Variants in HBP1 observed in about 807,000 individuals in gnomAD.
The protein encoded by HBP1 is HMG box-containing protein 1.
A neutral mutation model predicts 62.6 loss-of-function variants in HBP1; 20 were observed. That is an observed-to-expected ratio of 0.32 (90% confidence interval 0.22 to 0.46). HBP1 has a LOEUF of 0.46. HBP1 is among the 20% of genes least tolerant of loss of function. HBP1 has a pLI of 1.00. For synonymous variants in HBP1, 232 were observed against 206.2 expected (o/e 1.12, Z -1.07); for missense variants, 480 against 611.8 (o/e 0.78, Z 2.27).
chr7:107,178,628 T>C (rs1796968312), intron 1 of HBP1, among the ~76,000 whole-genome samples: 1 of 152,238 alleles, frequency 6.6e-6, no homozygotes, highest in Non-Finnish European at 1.5e-5. Flanking sequence ...AGGTATCTTT[T>C]ATTATGGCTA....
At chr7:107,200,086 T>A (rs1364627908) in intron 9 of HBP1, 74 bp from the exon 10 acceptor site, 75 of 1,219,468 alleles carry the variant, frequency 6.2e-5, no homozygotes, top group Non-Finnish European at 8.1e-5. Flanking sequence ...ATTTTTCTCC[T>A]GAAGTAGCAG....
At position 107,186,587 on chromosome 7, in the gene HBP1, A is replaced by G. The variant is rs768445935; in HGVS notation, c.671A>G (p.His224Arg). 2 of 1,612,074 alleles carry G rather than the reference A, an allele frequency of 1.2e-6. No homozygotes were observed. Among genetic ancestry groups the G allele is most frequent in the Non-Finnish European group, 1.7e-6 (2 of 1,178,108 alleles). The change falls in exon 6 of 11, where the codon CAT (histidine) becomes CGT (arginine). Residue 224 changes from histidine (H) to arginine (R), a missense_variant. Physicochemically the swap from His to Arg is conservative, Grantham distance 29. Around this residue, in one of 4 missense-constraint regions of HBP1, gnomAD observed 304 missense variants for 330.9 expected, o/e 0.92. Coordinates refer to ENST00000222574, the MANE Select transcript of HBP1 (RefSeq NM_012257.4). ...CFLKGTRLCF[H>R]KGSNKEWQDV... Reference sequence around the variant, plus strand: ...ACCTTAGGCACACGACTGTGCTTTCATAAGGGAAGCAATAAGGAATGGCAA... The same window carrying G: ...ACCTTAGGCACACGACTGTGCTTTCGTAAGGGAAGCAATAAGGAATGGCAA...
intron 9 of HBP1, among the ~76,000 whole-genome samples, chr7:107,198,482 T>A (rs1023966886): frequency 1.3e-5 from 2 of 152,168 alleles, no homozygotes; most frequent in Non-Finnish European, 2.9e-5. Context: ...AGTGCTGGGA[T>A]TACATATGTG....
intron 9 of HBP1, among the ~76,000 whole-genome samples, chr7:107,197,701 T>TAACTC (rs1797991208): frequency 6.6e-6 from 1 of 152,358 alleles, no homozygotes; most frequent in African/African-American, 2.4e-5. Context: ...TGAAATGTTT[T>TAACTC]AACTCTTGGA....
In HBP1 at chr7:107,169,411, G is replaced by A. The variant is rs555869437; in HGVS notation, c.-16+226G>A. ...CGGGGCGGCGGCGCTAGGGGGTCTCGGGCGGGGGCCGGGAGGAGGCAGGGG... is the reference window on the plus strand; with the variant it reads ...CGGGGCGGCGGCGCTAGGGGGTCTCAGGCGGGGGCCGGGAGGAGGCAGGGG... On this transcript the variant is annotated intron_variant, in intron 1 of 10. Transcript: ENST00000222574. 1.9e-3 allele frequency among the ~76,000 whole-genome samples: 282 copies of A among 150,120 alleles called. 2 individuals are homozygous for A. Among genetic ancestry groups the A allele is most frequent in the African/African-American group, 6.5e-3 (266 of 40,900 alleles).
intron 3 of HBP1, among the ~76,000 whole-genome samples, chr7:107,183,628 C>A (rs1457183212): frequency 2.0e-5 from 3 of 151,422 alleles, no homozygotes; most frequent in Non-Finnish European, 2.9e-5. Flanking sequence ...TAAAAAAAAA[C>A]CTGATTTAAC....
rs746152257 is a variant in HBP1 at position 107,192,082 on chromosome 7, G to A, written c.1067+1765G>A. The stretch of plus-strand genomic sequence containing the variant: ...GCTGTGACAACATATATGAAATGTC[G>A]TCTCCCAGGGAAGCTTGTTAGGCGC... On this transcript the variant is annotated intron_variant, in intron 8 of 10. Coordinates refer to ENST00000222574, the MANE Select transcript of HBP1 (RefSeq NM_012257.4). Among the ~76,000 whole-genome samples, 61 of 152,014 alleles carry A rather than the reference G, an allele frequency of 4.0e-4. 1 individual carries two copies. The highest frequency in any genetic ancestry group is 7.9e-4 in the Non-Finnish European group (54 of 68,008).
In HBP1 at chr7:107,180,083, T is replaced by C. The variant is rs758661637; in HGVS notation, c.169+21T>C. On this transcript the variant is annotated intron_variant, in intron 2 of 10. Coordinates refer to ENST00000222574, the MANE Select transcript of HBP1 (RefSeq NM_012257.4). The stretch of plus-strand genomic sequence containing the variant: ...GCTTGGTAAGCAAAATTAAAAGTTA[T>C]ATAGAAATCTCACTAAGATTCAGAT... 48 of 1,464,036 alleles carry C rather than the reference T, an allele frequency of 3.3e-5. No homozygotes were observed. The Admixed American group carries it at 5.9e-4, about 18-fold the overall frequency. 90.7% of individuals were successfully genotyped at this position (1,464,036 alleles called of 1,614,324 possible).
At chr7:107,171,039 A>C in intron 1 of HBP1, among the ~76,000 whole-genome samples, 1 of 123,724 alleles carries the variant, frequency 8.1e-6, no homozygotes, top group South Asian at 2.4e-4. Context: ...TAACATATAC[A>C]TGTATAAATA....
intron 3 of HBP1, among the ~76,000 whole-genome samples, chr7:107,184,889 C>T (rs757766814): frequency 6.6e-6 from 1 of 152,220 alleles, no homozygotes; most frequent in Non-Finnish European, 1.5e-5. Context: ...CTCTATTTGG[C>T]ATCTCAGACA....
intron 1 of HBP1, among the ~76,000 whole-genome samples, chr7:107,173,016 T>C (rs1238583353): frequency 6.6e-6 from 1 of 152,254 alleles, no homozygotes; most frequent in East Asian, 1.9e-4. Context: ...TTTGTTGTTG[T>C]TTTGTCTTTT....
chr7:107,185,966 C>G (rs1226261436), intron 4 of HBP1, 24 bp downstream of exon 4: 12 of 1,584,314 alleles, frequency 7.6e-6, no homozygotes, highest in African/African-American at 1.3e-5. Flanking sequence ...TGAGGTTAAA[C>G]TTTTACAAAG....
At chr7:107,185,763 G>T in intron 3 of HBP1, 38 bp from the exon 4 acceptor site, 1 of 1,564,478 alleles carries the variant, frequency 6.4e-7, no homozygotes, top group South Asian at 1.1e-5. Context: ...CTACTTTAAG[G>T]ACCTATGCTT....
intron 1 of HBP1, among the ~76,000 whole-genome samples, chr7:107,176,609 G>A (rs535972489): frequency 2.8e-4 from 42 of 152,118 alleles, no homozygotes; most frequent in Admixed American, 8.5e-4. Flanking sequence ...CAGATCCTCT[G>A]GGGATGGGGC....
In HBP1 at chr7:107,201,449, C is replaced by T. The variant is rs1159172313; in HGVS notation, c.*18C>T. ...AACATTAAACCAGGATGCTTATGTT[C>T]TTAAGTCTATATTTGCATATACATT... On this transcript the variant is annotated 3_prime_UTR_variant, in exon 11 of 11. Transcript: ENST00000222574. The T allele has an allele frequency of 2.6e-6, 4 of 1,538,994 alleles. No homozygotes were observed. The highest frequency in any genetic ancestry group is 3.6e-6 in the Non-Finnish European group (4 of 1,113,690).
intron 2 of HBP1, among the ~76,000 whole-genome samples, chr7:107,180,983 T>A (rs1797077086): frequency 6.6e-6 from 1 of 152,146 alleles, no homozygotes; most frequent in African/African-American, 2.4e-5. Flanking sequence ...TTTCCTGAAC[T>A]TCAGAAACAG....
At chr7:107,199,463 G>A (rs551832355) in intron 9 of HBP1, among the ~76,000 whole-genome samples, 12 of 152,370 alleles carry the variant, frequency 7.9e-5, no homozygotes, top group Admixed American at 2.0e-4. Flanking sequence ...AAATACACTT[G>A]TAGGAGAGCT....
chr7:107,170,295 C>T (rs1371773690), intron 1 of HBP1, among the ~76,000 whole-genome samples: 2 of 152,110 alleles, frequency 1.3e-5, no homozygotes, highest in Non-Finnish European at 2.9e-5. Flanking sequence ...TCTGAATAGC[C>T]GTAAGCACTC....
intron 8 of HBP1, among the ~76,000 whole-genome samples, chr7:107,191,258 A>C (rs1394371321): frequency 6.6e-6 from 1 of 152,206 alleles, no homozygotes; most frequent in East Asian, 1.9e-4. Flanking sequence ...CACATGCTCG[A>C]TAAATGTCTA....
Sources: allele counts gnomAD v4.1 joint callset (sites outside exome capture counted in the v4.1 genomes callset), GRCh38; gene constraint gnomAD v4.1.1; regional missense constraint gnomAD v4.1.1; transcripts MANE v1.5; gene names NCBI Gene and HGNC (gene_info 2026-07-23, HGNC 2026-07-21).